Variants in MUC3A observed in about 807,000 individuals in gnomAD.
MUC3A encodes mucin 3A, cell surface associated.
A neutral mutation model predicts 109.0 loss-of-function variants in MUC3A; 109 were observed. The observed-to-expected ratio is 1.00, with a 90% CI of 0.86 to 1.17. MUC3A has a LOEUF of 1.17. Among genes scored for constraint, MUC3A ranks in the 50% most tolerant of loss-of-function variants. The probability of loss-of-function intolerance (pLI) is 0.00; values close to 1 mark genes in which losing one functional copy is unlikely to be tolerated. For missense variants in MUC3A, 3,537 were observed against 2,469.4 expected, an observed-to-expected ratio of 1.43 and a Z score of -9.16; for synonymous variants, 1,398 against 981.4, an observed-to-expected ratio of 1.42 and a Z score of -7.93.
Position 100,957,919 on chromosome 7 carries a change from T to A in MUC3A, c.6140T>A (p.Ile2047Asn). ...SHSTPSFTSS[I>N]TTETTSHSTP... The stretch of plus-strand genomic sequence containing the variant: ...AGTACTCCCAGCTTCACTTCTTCGA[T>A]CACCACCGAGACCACATCCCACAGT... Residue 2047 changes from isoleucine to asparagine, a missense_variant, in exon 2 of 12, where the codon ATC (isoleucine) becomes AAC (asparagine). Transcript: ENST00000379458. 4.6e-6 allele frequency: 1 copy of A among 219,116 alleles called. No homozygotes were observed. The allele number at this position is 219,116 out of a possible 1,614,324, so 13.6% of individuals were successfully genotyped here.
In MUC3A at chr7:100,967,849, A is replaced by G. The variant is rs66618221; in HGVS notation, c.*687A>G. On this transcript the variant is annotated 3_prime_UTR_variant, in exon 12 of 12. Coordinates refer to ENST00000379458, the MANE Select transcript of MUC3A (RefSeq NM_005960.2). ...ATAGCCTCTGTGTCTTAGGATACCC[A>G]GGTGCTGTTCTCCCCGTCACCCCGT... 0.82 allele frequency: 124,692 copies of G among 151,506 alleles called. 49,167 individuals carry two copies. Among genetic ancestry groups the G allele is most frequent in the East Asian group, 1 (5,188 of 5,198 alleles). 9.4% of individuals were successfully genotyped at this position (151,506 alleles called of 1,614,324 possible). A position where few individuals can be genotyped will look rare whatever the true frequency, so the allele number is the denominator to read the frequency against.
intron 3 of MUC3A, 165 bp downstream of exon 3, chr7:100,961,102 C>G: frequency 1.0e-6 from 1 of 981,344 alleles, no homozygotes; most frequent in Non-Finnish European, 1.2e-6. Context: ...TCATGCTCCT[C>G]TCCGTCCTCA....
chr7:100,966,429 G>T lies in MUC3A; in HGVS notation c.9655G>T (p.Glu3219Ter), dbSNP rs754137582. 7.4e-7 allele frequency: 1 copy of T among 1,348,718 alleles called. No homozygotes were observed. Among genetic ancestry groups the T allele is most frequent in the Non-Finnish European group, 9.5e-7 (1 of 1,057,284 alleles). 83.5% of individuals were successfully genotyped at this position (1,348,718 alleles called of 1,614,324 possible). Residue 3219 changes from glutamate to a stop codon, truncating the protein, a stop_gained, in exon 9 of 12, where the codon GAG (glutamate) becomes TAG (stop). Transcript: ENST00000379458. LOFTEE classifies it high-confidence loss of function. ...GCACTGGTTCTCTGGCCCGCGCTGC[G>T]AGGTGGCCGTCCACTGGAGGGCGCT... ...DTHWFSGPRCEVAVHWRALVG... is the reference protein window; with the variant it reads ...DTHWFSGPRC
In MUC3A at chr7:100,956,299, C is replaced by T. The variant is rs1413940188; in HGVS notation, c.4520C>T (p.Thr1507Ile). ...PTSSLVSTAETAKTPTTNLVT... is the reference protein window; with the variant it reads ...PTSSLVSTAEIAKTPTTNLVT... ...TCTTCCTTGGTCTCAACCGCAGAAA[C>T]AGCCAAAACTCCTACCACAAACTTG... The change falls in exon 2 of 12, where the codon ACA (threonine) becomes ATA (isoleucine). Residue 1507 changes from threonine to isoleucine, a missense_variant. By Grantham distance (89) the Thr-to-Ile change is moderately conservative. Coordinates refer to ENST00000379458, the MANE Select transcript of MUC3A (RefSeq NM_005960.2). The T allele has an allele frequency of 1.9e-6, 1 of 534,986 alleles. No individual in the cohort carries two copies. The highest frequency in any genetic ancestry group is 3.3e-6 in the Non-Finnish European group (1 of 304,746). 33.1% of individuals were successfully genotyped at this position (534,986 alleles called of 1,614,324 possible). A position where few individuals can be genotyped will look rare whatever the true frequency, so the allele number is the denominator to read the frequency against.
At chr7:100,962,849 CTCTA>C (rs1473831506) in intron 3 of MUC3A, among the ~76,000 whole-genome samples, 22 of 133,136 alleles carry the variant, frequency 1.7e-4, no homozygotes, top group African/African-American at 3.4e-4. Context: ...CTCTCTCTCT[CTCTA>C]TCTTTCTTTT....
chr7:100,960,078 A>G lies in MUC3A; in HGVS notation c.8299A>G (p.Thr2767Ala). 1 of 1,515,464 alleles carries G rather than the reference A, an allele frequency of 6.6e-7. No individual in the cohort carries two copies. The highest frequency in any genetic ancestry group is 8.8e-7 in the Non-Finnish European group (1 of 1,141,658). The allele number at this position is 1,515,464 out of a possible 1,614,324, so 93.9% of individuals were successfully genotyped here. A position where few individuals can be genotyped will look rare whatever the true frequency, so the allele number is the denominator to read the frequency against. ...PFSYISLPST[T>A]PCPGTITITI... ...TTCTTATATTTCCCTTCCCTCCACC[A>G]CACCCTGTCCAGGAACTATAACAAT... is the stretch of plus-strand genomic sequence containing the variant. The change falls in exon 2 of 12, where the codon ACA becomes GCA. Residue 2767 changes from threonine to alanine, a missense_variant. Physicochemically the swap from Thr to Ala is moderately conservative, Grantham distance 58. Coordinates refer to ENST00000379458, the MANE Select transcript of MUC3A (RefSeq NM_005960.2).
Position 100,960,895 on chromosome 7 carries a change from T to C in MUC3A, c.9010T>C (p.Tyr3004His). The change falls in exon 3 of 12, where the codon TAT becomes CAT. Residue 3004 changes from tyrosine to histidine, a missense_variant. By Grantham distance (83) the Tyr-to-His change is moderately conservative. Coordinates refer to ENST00000379458, the MANE Select transcript of MUC3A (RefSeq NM_005960.2). ...GLKCQCPSTF[Y>H]GSSCEFAVEQ... ...CAAATGCCAGTGCCCCAGCACCTTC[T>C]ATGGTTCCAGTTGTGAGTTTGCTGT... 1 of 1,598,542 alleles carries C rather than the reference T, an allele frequency of 6.3e-7. No individual in the cohort carries two copies. The highest frequency in any genetic ancestry group is 8.5e-7 in the Non-Finnish European group (1 of 1,179,818).
chr7:100,958,031 G>C lies in MUC3A; in HGVS notation c.6252G>C (p.Glu2084Asp). 2.7e-6 allele frequency: 3 copies of C among 1,117,550 alleles called. No individual in the cohort carries two copies. Among genetic ancestry groups the C allele is most frequent in the East Asian group, 4.7e-5 (2 of 42,562 alleles). The allele number at this position is 1,117,550 out of a possible 1,614,324, so 69.2% of individuals were successfully genotyped here. The change falls in exon 2 of 12, where the codon GAG (glutamate) becomes GAC (aspartate). Residue 2084 changes from glutamate (E) to aspartate (D), a missense_variant. By Grantham distance (45) the Glu-to-Asp change is conservative (BLOSUM62 2). Coordinates refer to ENST00000379458, the MANE Select transcript of MUC3A (RefSeq NM_005960.2). ...ACACTACCTCAATCACCACCACCGA[G>C]ACCCCCTCACACAGTACTCTCAGCT... ...LSYTTSITTT[E>D]TPSHSTLSFT...
intron 3 of MUC3A, among the ~76,000 whole-genome samples, chr7:100,961,842 A>C: frequency 6.6e-6 from 1 of 152,426 alleles, no homozygotes; most frequent in East Asian, 1.9e-4. Flanking sequence ...AAATCAGCTG[A>C]TTGTCTTATA....
chr7:100,960,681 C>A (rs754496380), intron 2 of MUC3A, 36 bp downstream of exon 2: 3 of 1,592,480 alleles, frequency 1.9e-6, no homozygotes, highest in Non-Finnish European at 2.6e-6. Context: ...CCTCCTTCCT[C>A]CCCTGCAAAA....
Position 100,968,133 on chromosome 7 carries a change from TCCC to T in MUC3A, c.*974_*976del. ...TCTCCCTCCTCCTCATTTCCTTCGA[TCCC>T]CCTCCCTTCTTGCCTCCCCTCTGCC... On this transcript the variant is annotated 3_prime_UTR_variant, in exon 12 of 12. Transcript: ENST00000379458. 1 of 152,552 alleles carries T rather than the reference TCCC, an allele frequency of 6.6e-6. No individual in the cohort carries two copies. Among genetic ancestry groups the T allele is most frequent in the South Asian group, 2.1e-4 (1 of 4,838 alleles). The allele number at this position is 152,552 out of a possible 1,614,324, so 9.4% of individuals were successfully genotyped here. A position where few individuals can be genotyped will look rare whatever the true frequency, so the allele number is the denominator to read the frequency against.
intron 8 of MUC3A, 149 bp from the exon 9 acceptor site, chr7:100,966,237 G>GGGTGGAGACCCGTCCGCTTGTCCTAC: frequency 1.5e-6 from 1 of 663,566 alleles, no homozygotes; most frequent in Non-Finnish European, 2.1e-6. Context: ...CCTCGTTCTA[G>GGGTGGAGACCCGTCCGCTTGTCCTAC]GGTGGATTCC....
Position 100,954,263 on chromosome 7 carries a change from C to G in MUC3A, c.2484C>G (p.Pro828=). 2.2e-6 allele frequency: 1 copy of G among 451,962 alleles called. No homozygotes were observed. Among genetic ancestry groups the G allele is most frequent in the Non-Finnish European group, 3.9e-6 (1 of 259,624 alleles). 28.0% of individuals were successfully genotyped at this position (451,962 alleles called of 1,614,324 possible). The change falls in exon 2 of 12, where the codon CCC becomes CCG. Residue 828 remains proline (P), a synonymous_variant. Coordinates refer to ENST00000379458, the MANE Select transcript of MUC3A (RefSeq NM_005960.2). Reference sequence around the variant, plus strand: ...CCTCACAACCAACAACCATCACTCCCTCATCCGTGGGCATCAGTGGTTCAT... The same window carrying G: ...CCTCACAACCAACAACCATCACTCCGTCATCCGTGGGCATCAGTGGTTCAT... ...IPTSQPTTIT[P]SSVGISGSLP...
chr7:100,959,844 A>G lies in MUC3A; in HGVS notation c.8065A>G (p.Ile2689Val), dbSNP rs935595787. 13 of 1,570,834 alleles carry G rather than the reference A, an allele frequency of 8.3e-6. No individual in the cohort carries two copies. The Admixed American group carries it at 1.4e-4, about 17-fold the overall frequency. The change falls in exon 2 of 12, where the codon ATC (isoleucine) becomes GTC (valine). Residue 2689 changes from isoleucine (I) to valine (V), a missense_variant. Transcript: ENST00000379458. ...TIIWSSTPTI[I>V]MSSSPSSASI... is the part of the protein sequence containing the mutation. ...CATCTGGTCCTCAACACCCACTATT[A>G]TCATGTCCTCTTCTCCATCTTCTGC...
chr7:100,966,971 G>A lies in MUC3A; in HGVS notation c.9930+20G>A, dbSNP rs1319277149. On this transcript the variant is annotated intron_variant, in intron 11 of 11. Coordinates refer to ENST00000379458, the MANE Select transcript of MUC3A (RefSeq NM_005960.2). ...ATGAAGGTGAGGGGCTAAAGAGGGG[G>A]ACCCCAAGGAACTCTCCCAGCCTCC... The A allele has an allele frequency of 1.9e-6, 3 of 1,598,554 alleles. No homozygotes were observed. The highest frequency in any genetic ancestry group is 2.2e-5 in the East Asian group (1 of 44,892).
In MUC3A at chr7:100,956,038, T is replaced by G. The variant is rs1792087631; in HGVS notation, c.4259T>G (p.Ile1420Ser). 1 of 463,946 alleles carries G rather than the reference T, an allele frequency of 2.2e-6. No individual in the cohort carries two copies. The highest frequency in any genetic ancestry group is 3.8e-6 in the Non-Finnish European group (1 of 263,468). 28.7% of individuals were successfully genotyped at this position (463,946 alleles called of 1,614,324 possible). A position where few individuals can be genotyped will look rare whatever the true frequency, so the allele number is the denominator to read the frequency against. Residue 1420 changes from isoleucine (I) to serine (S), a missense_variant, in exon 2 of 12, where the codon ATT becomes AGT. Ile to Ser is a moderately radical substitution (Grantham distance 142, BLOSUM62 -2). Transcript: ENST00000379458. The part of the protein sequence containing the change: ...TNTLSPLTSS[I>S]LSSTPVPSTE... Reference sequence around the variant, plus strand: ...ACGTTATCACCACTCACCAGTAGCATTTTATCTTCTACACCTGTCCCAAGC... The same window carrying G: ...ACGTTATCACCACTCACCAGTAGCAGTTTATCTTCTACACCTGTCCCAAGC...
In MUC3A at chr7:100,958,576, C is replaced by G. The variant is rs1584803514; in HGVS notation, c.6797C>G (p.Thr2266Ser). The change falls in exon 2 of 12, where the codon ACC becomes AGC. Residue 2266 changes from threonine (T) to serine (S), a missense_variant. Coordinates refer to ENST00000379458, the MANE Select transcript of MUC3A (RefSeq NM_005960.2). Reference sequence around the variant, plus strand: ...TCTTCGATCACCACCACTGAGACCACCTCACATGATACTCCCAGCTTCACT... The same window carrying G: ...TCTTCGATCACCACCACTGAGACCAGCTCACATGATACTCCCAGCTTCACT... ...FTSSITTTET[T>S]SHDTPSFTSS... The G allele has an allele frequency of 9.6e-5, 93 of 968,530 alleles. No homozygotes were observed. Among genetic ancestry groups the G allele is most frequent in the Middle Eastern group, 2.2e-4 (1 of 4,492 alleles). The allele number at this position is 968,530 out of a possible 1,614,324, so 60.0% of individuals were successfully genotyped here.
intron 3 of MUC3A, 69 bp from the exon 4 acceptor site, chr7:100,963,082 G>A: frequency 1.3e-6 from 2 of 1,536,266 alleles, no homozygotes; most frequent in African/African-American, 1.4e-5. Flanking sequence ...GTGGGTTGGG[G>A]TGGTGGTGTT....
At position 100,955,214 on chromosome 7, in the gene MUC3A, T is replaced by C. The variant is rs1280353413; in HGVS notation, c.3435T>C (p.Asn1145=). 4.3e-6 allele frequency: 2 copies of C among 460,574 alleles called. No individual in the cohort carries two copies. The highest frequency in any genetic ancestry group is 3.8e-6 in the Non-Finnish European group (1 of 262,488). 28.5% of individuals were successfully genotyped at this position (460,574 alleles called of 1,614,324 possible). ...CAACCTTGATAACCACCACCCCTAATACCACCTCCCTTAGTACCCCCAGCT... is the reference window on the plus strand; with the variant it reads ...CAACCTTGATAACCACCACCCCTAACACCACCTCCCTTAGTACCCCCAGCT... ...PTTTLITTTP[N]TTSLSTPSFT... The change falls in exon 2 of 12, where the codon AAT becomes AAC. Residue 1145 remains asparagine, a synonymous_variant. Transcript: ENST00000379458.
Sources: gnomAD v4.1 joint callset for allele counts (sites outside exome capture counted in the v4.1 genomes callset) on GRCh38, gnomAD v4.1.1 for gene constraint, MANE v1.5 for transcripts, NCBI Gene and HGNC (gene_info 2026-07-23, HGNC 2026-07-21) for gene names.